Variants in POLD1 observed in about 807,000 individuals in gnomAD.
POLD1 encodes DNA polymerase delta 1, catalytic subunit, also known as DNA polymerase delta catalytic subunit.
In POLD1, 79 loss-of-function variants were observed where a neutral mutation model predicts 129.7. The observed-to-expected ratio is 0.61, with a 90% CI of 0.51 to 0.73. The LOEUF (loss-of-function observed/expected upper bound fraction) is 0.73, where lower values mean the gene tolerates loss of function less well. POLD1 is among the 30% of genes least tolerant of loss of function. The pLI, the probability that POLD1 is intolerant of heterozygous loss-of-function variation, is 0.00. For synonymous variants in POLD1, 714 were observed against 683.3 expected, an observed-to-expected ratio of 1.04 and a Z score of -0.70; for missense variants, 1,338 against 1,595.8, an observed-to-expected ratio of 0.84 and a Z score of 2.75.
intron 3 of POLD1, among the ~76,000 whole-genome samples, chr19:50,401,165 TG>T (rs2038585463): frequency 2.0e-5 from 3 of 151,058 alleles, no homozygotes; most frequent in Admixed American, 2.0e-4. Flanking sequence ...GGCATGGGCC[TG>T]TAATCTCAGC....
rs3218752 is a variant in POLD1 at position 50,416,623 on chromosome 19, G to A, written c.2967G>A (p.Thr989=). 2.7e-3 allele frequency: 4,246 copies of A among 1,563,834 alleles called. 6 individuals are homozygous for A. The highest frequency in any genetic ancestry group is 3.4e-3 in the Non-Finnish European group (3,934 of 1,158,434). Reference sequence around the variant, plus strand: ...CCTCTCCTGCAGGGGGGGACCACACGCGCTGCAAGACGGTGCTCACGGGCA... The same window carrying A: ...CCTCTCCTGCAGGGGGGGACCACACACGCTGCAAGACGGTGCTCACGGGCA... The part of the protein sequence containing the change: ...AEAVLLRGDH[T]RCKTVLTGKV... Residue 989 remains threonine (T), a synonymous_variant, in exon 24 of 27, where the codon ACG becomes ACA. Transcript: ENST00000440232.
At chr19:50,410,730 C>T (rs2039060672) in intron 17 of POLD1, among the ~76,000 whole-genome samples, 2 of 152,094 alleles carry the variant, frequency 1.3e-5, no homozygotes, top group Admixed American at 1.3e-4. Flanking sequence ...ACACATGCAG[C>T]ATTGCCAACC....
At chr19:50,402,822 A>G (rs2038712194) in intron 8 of POLD1, 81 bp downstream of exon 8, 4 of 1,519,682 alleles carry the variant, frequency 2.6e-6, no homozygotes, top group African/African-American at 1.4e-5. Context: ...GGTGGAGGGA[A>G]TGGCAAGCAT....
intron 1 of POLD1, among the ~76,000 whole-genome samples, chr19:50,386,919 G>A (rs551102293): frequency 2.6e-4 from 40 of 152,358 alleles, no homozygotes; most frequent in African/African-American, 8.9e-4. Flanking sequence ...TAGGCCGGGC[G>A]CGGTGGCTAA....
intron 1 of POLD1, among the ~76,000 whole-genome samples, chr19:50,389,614 T>A (rs1470553677): frequency 6.6e-6 from 1 of 151,340 alleles, no homozygotes; most frequent in Non-Finnish European, 1.5e-5. Flanking sequence ...CAAGACTGAG[T>A]CTTGCTCTAT....
intron 1 of POLD1, among the ~76,000 whole-genome samples, chr19:50,396,680 C>T (rs1221680713): frequency 6.6e-6 from 1 of 151,660 alleles, no homozygotes; most frequent in Admixed American, 6.6e-5. Context: ...CGGGGTTTCA[C>T]CATGTTAGCC....
Position 50,415,413 on chromosome 19 carries a change from C to G in POLD1, c.2565-25C>G, listed in dbSNP as rs761905530. The G allele has an allele frequency of 1.9e-6, 3 of 1,598,038 alleles. No individual in the cohort carries two copies. In the South Asian group the frequency reaches 3.3e-5, roughly 18 times the overall value. On this transcript the variant is annotated intron_variant, in intron 20 of 26. Coordinates refer to ENST00000440232, the MANE Select transcript of POLD1 (RefSeq NM_002691.4). ...CCTGGCCCTCAGTGCCTTTTGGTGA[C>G]GCTGTGCGGCCCGCTCTCCTACAGA...
At chr19:50,412,698 C>T (rs2122427704) in intron 17 of POLD1, among the ~76,000 whole-genome samples, 1 of 151,912 alleles carries the variant, frequency 6.6e-6, no homozygotes, top group Non-Finnish European at 1.5e-5. Flanking sequence ...GGTGTCCCCA[C>T]CCCCAGCCTC....
At chr19:50,388,932 A>T (rs1483814480) in intron 1 of POLD1, among the ~76,000 whole-genome samples, 1 of 145,990 alleles carries the variant, frequency 6.8e-6, no homozygotes, top group Non-Finnish European at 1.5e-5. Context: ...TCCCAGGTTC[A>T]AGCGATTCTC....
Position 50,409,564 on chromosome 19 carries a change from G to C in POLD1, c.2052G>C (p.Gln684His), listed in dbSNP as rs144143245. 1,094 of 1,613,510 alleles carry C rather than the reference G, an allele frequency of 6.8e-4. 1 individual carries two copies. Among genetic ancestry groups the C allele is most frequent in the Non-Finnish European group, 8.2e-4 (964 of 1,180,036 alleles). The change falls in exon 17 of 27, where the codon CAG becomes CAC. Residue 684 changes from glutamine (Q) to histidine (H), a missense_variant. By Grantham distance (24) the Gln-to-His change is conservative. This residue lies in a region of POLD1 where 720 missense variants were observed against 1,002.6 expected (regional missense o/e 0.72). Coordinates refer to ENST00000440232, the MANE Select transcript of POLD1 (RefSeq NM_002691.4). The surrounding 1 kb of genome is among the most constrained non-coding windows in gnomAD (Gnocchi z 5.8). ...AGGAGACAGACCCCCTCCGGCGCCA[G>C]GTCCTGGATGGACGGCAGCTGGCGC... ...LAKETDPLRRQVLDGRQLALK... is the reference protein window; with the variant it reads ...LAKETDPLRRHVLDGRQLALK...
rs878854535 is a variant in POLD1 at position 50,414,823 on chromosome 19, C to A, written c.2397C>A (p.Phe799Leu). Residue 799 changes from phenylalanine (F) to leucine (L), a missense_variant, in exon 20 of 27, where the codon TTC becomes TTA. Around this residue, in one of 3 missense-constraint regions of POLD1, gnomAD observed 720 missense variants for 1,002.6 expected, o/e 0.72. Transcript: ENST00000440232. ...CCATGGCTCCCTCCCAGGTCTACTT[C>A]CCATACCTGCTTATCAGCAAGAAGC... is the stretch of plus-strand genomic sequence containing the variant. The part of the protein sequence containing the change: ...PIRLEFEKVY[F>L]PYLLISKKRY... 21 of 1,577,528 alleles carry A rather than the reference C, an allele frequency of 1.3e-5. No individual in the cohort carries two copies. The highest frequency in any genetic ancestry group is 1.8e-5 in the Admixed American group (1 of 56,696).
chr19:50,403,276 C>T, intron 9 of POLD1, 57 bp downstream of exon 9: 1 of 1,476,392 alleles, frequency 6.8e-7, no homozygotes, highest in Non-Finnish European at 9.1e-7. Flanking sequence ...GCCTCCGCGT[C>T]CTGAGCCATC....
chr19:50,409,977 T>A lies in POLD1; in HGVS notation c.2154+311T>A, dbSNP rs1213599267. On this transcript the variant is annotated intron_variant, in intron 17 of 26. Coordinates refer to ENST00000440232, the MANE Select transcript of POLD1 (RefSeq NM_002691.4). This position sits in a 1 kb window ranked among gnomAD's most constrained non-coding sequence, Gnocchi z 5.8. ...CACTGACAGGTCTGTGTAAACGTGT[T>A]TAGGACACAAGTGGCGCTACGAGCT... Among the ~76,000 whole-genome samples the A allele has an allele frequency of 6.6e-6, 1 of 152,154 alleles. No individual in the cohort carries two copies. The highest frequency in any genetic ancestry group is 1.5e-5 in the Non-Finnish European group (1 of 68,014).
intron 3 of POLD1, 36 bp downstream of exon 3, chr19:50,399,520 T>A: frequency 1.4e-6 from 2 of 1,473,506 alleles, no homozygotes; most frequent in Non-Finnish European, 1.9e-6. Flanking sequence ...GCTGGGGCCC[T>A]GCGCTCCTGG....
At position 50,409,413 on chromosome 19, in the gene POLD1, T is replaced by C. The variant is rs1372489778; in HGVS notation, c.2007-106T>C. 1.3e-6 allele frequency: 2 copies of C among 1,491,716 alleles called. No homozygotes were observed. The highest frequency in any genetic ancestry group is 2.8e-5 in the African/African-American group (2 of 72,256). The allele number at this position is 1,491,716 out of a possible 1,614,324, so 92.4% of individuals were successfully genotyped here. On this transcript the variant is annotated intron_variant, in intron 16 of 26. Coordinates refer to ENST00000440232, the MANE Select transcript of POLD1 (RefSeq NM_002691.4). The surrounding 1 kb of genome is among the most constrained non-coding windows in gnomAD (Gnocchi z 5.8). ...TTGCCCCCTTGGCCAGAAGCTTCTG[T>C]GCAGTGCACAGTACGCCCAACCGTA...
At chr19:50,399,766 A>G (rs999426385) in intron 3 of POLD1, among the ~76,000 whole-genome samples, 2 of 152,212 alleles carry the variant, frequency 1.3e-5, no homozygotes, top group African/African-American at 4.8e-5. Context: ...CTGTGCAAGG[A>G]CCTCTGTGCC....
At chr19:50,416,828 C>A in intron 24 of POLD1, 105 bp downstream of exon 24, 1 of 1,008,200 alleles carries the variant, frequency 9.9e-7, no homozygotes, top group Non-Finnish European at 1.4e-6. Context: ...ACCCAGTGGG[C>A]CCAGGGCCCC....
At position 50,409,440 on chromosome 19, in the gene POLD1, A is replaced by C; in HGVS notation, c.2007-79A>C. ...CAGTGCACAGTACGCCCAACCGTAC[A>C]TGGCACTCACTTCCAGAAAGGAGCC... On this transcript the variant is annotated intron_variant, in intron 16 of 26. Transcript: ENST00000440232. This position sits in a 1 kb window ranked among gnomAD's most constrained non-coding sequence, Gnocchi z 5.8. 1 of 1,583,364 alleles carries C rather than the reference A, an allele frequency of 6.3e-7. No individual in the cohort carries two copies. The highest frequency in any genetic ancestry group is 1.1e-5 in the South Asian group (1 of 90,062).
intron 1 of POLD1, among the ~76,000 whole-genome samples, chr19:50,384,923 G>A (rs183211861): frequency 6.8e-4 from 104 of 152,292 alleles, no homozygotes; most frequent in African/African-American, 2.4e-3. Context: ...AGAATCGACC[G>A]CTCTGGGACC....
Sources: gnomAD v4.1 joint callset for allele counts (sites outside exome capture counted in the v4.1 genomes callset) on GRCh38, gnomAD v4.1.1 for gene constraint, gnomAD v4.1.1 regional missense constraint, Gnocchi (gnomAD v3.1) non-coding constraint, MANE v1.5 for transcripts, NCBI Gene and HGNC (gene_info 2026-07-23, HGNC 2026-07-21) for gene names.